Variants in SUPT20H observed in about 807,000 individuals in gnomAD.
SUPT20H encodes the protein transcription factor SPT20 homolog.
SUPT20H carries 82 observed loss-of-function variants against 122.8 expected under a neutral mutation model. The observed-to-expected ratio is 0.67, with a 90% CI of 0.56 to 0.80. The LOEUF is 0.80. SUPT20H is among the 30% of genes least tolerant of loss of function. The pLI, the probability that SUPT20H is intolerant of heterozygous loss-of-function variation, is 0.00. For synonymous variants in SUPT20H, 291 were observed against 313.0 expected, an observed-to-expected ratio of 0.93 and a Z score of 0.74; for missense variants, 831 against 921.6, an observed-to-expected ratio of 0.90 and a Z score of 1.27.
At chr13:37,047,406 T>G in intron 5 of SUPT20H, 129 bp downstream of exon 5, 1 of 1,041,548 alleles carries the variant, frequency 9.6e-7, no homozygotes, top group Non-Finnish European at 1.3e-6. Context: ...GCTACAGAAT[T>G]GACTAGGGTC....
At position 37,019,371 on chromosome 13, in the gene SUPT20H, A is replaced by AT; in HGVS notation, c.1842_1843insA (p.Ser615IlefsTer19). 1 of 1,605,466 alleles carries AT rather than the reference A, an allele frequency of 6.2e-7. No homozygotes were observed. The highest frequency in any genetic ancestry group is 8.5e-7 in the Non-Finnish European group (1 of 1,176,742). On this transcript the variant is annotated frameshift_variant, in exon 22 of 26. Transcript: ENST00000350612. LOFTEE classifies it high-confidence loss of function. The stretch of plus-strand genomic sequence containing the variant: ...AGTAGATTTAAGGGCCTGAGACTTG[A>AT]AGTATTTTTTAAACCAAATGGAACA...
intron 25 of SUPT20H, 32 bp from the exon 26 acceptor site, chr13:37,009,841 GTT>G: frequency 6.3e-7 from 1 of 1,599,208 alleles, no homozygotes; most frequent in Non-Finnish European, 8.5e-7. Context: ...ATCGAGTTAT[GTT>G]AAATGCAGGC....
At chr13:37,011,835 T>C (rs2059681890) in intron 24 of SUPT20H, among the ~76,000 whole-genome samples, 1 of 152,154 alleles carries the variant, frequency 6.6e-6, no homozygotes, top group South Asian at 2.1e-4. Context: ...CAAAAGATTA[T>C]GCAATCTAGA....
chr13:37,012,156 A>C, intron 24 of SUPT20H, 36 bp downstream of exon 24: 4 of 1,485,486 alleles, frequency 2.7e-6, no homozygotes, highest in Non-Finnish European at 3.8e-6. Flanking sequence ...AGATATGTTT[A>C]GTAAATTCAG....
chr13:37,044,999 G>C (rs2066160393), intron 6 of SUPT20H, among the ~76,000 whole-genome samples: 1 of 151,432 alleles, frequency 6.6e-6, no homozygotes, highest in Non-Finnish European at 1.5e-5. Context: ...AATTGGACTT[G>C]AAAGACATAT....
chr13:37,035,643 G>A (rs985297556), intron 9 of SUPT20H, among the ~76,000 whole-genome samples: 2 of 151,422 alleles, frequency 1.3e-5, no homozygotes, highest in Admixed American at 6.6e-5. Flanking sequence ...ATTGCTACTC[G>A]GCCTAAGCCT....
At chr13:37,048,656 A>G in intron 2 of SUPT20H, 57 bp from the exon 3 acceptor site, 1 of 1,459,124 alleles carries the variant, frequency 6.9e-7, no homozygotes. Flanking sequence ...AAAAAATTTA[A>G]TATACATTTA....
chr13:37,057,487 T>C (rs943290379), intron 1 of SUPT20H, among the ~76,000 whole-genome samples: 13 of 151,314 alleles, frequency 8.6e-5, no homozygotes, highest in Non-Finnish European at 1.9e-4. Context: ...GCTTTGATTT[T>C]TGGTGAACCC....
intron 9 of SUPT20H, chr13:37,038,375 G>A (rs1324482143): frequency 6.6e-6 from 1 of 152,162 alleles, no homozygotes; most frequent in Non-Finnish European, 1.5e-5. Flanking sequence ...AAGAAGGGCA[G>A]GATAAATATT....
chr13:37,025,475 C>A (rs1165895193), intron 16 of SUPT20H, 38 bp from the exon 17 acceptor site: 3 of 1,443,392 alleles, frequency 2.1e-6, no homozygotes, highest in South Asian at 1.2e-5. Flanking sequence ...GATTAGAAAA[C>A]CTGTTTTAAA....
In SUPT20H at chr13:37,021,631, C is replaced by A. The variant is rs1204005174; in HGVS notation, c.1662-29G>T. The stretch of plus-strand genomic sequence containing the variant: ...CAGGAGAATAAGACAAAGCATTAAA[C>A]TTCACTGTAAAAGGAAAAAATCAGC... On this transcript the variant is annotated intron_variant, in intron 20 of 25. Coordinates refer to ENST00000350612, the MANE Select transcript of SUPT20H (RefSeq NM_001014286.3). 1.9e-6 allele frequency: 3 copies of A among 1,574,884 alleles called. No homozygotes were observed. The African/African-American group carries it at 4.1e-5, about 21-fold the overall frequency.
intron 23 of SUPT20H, among the ~76,000 whole-genome samples, chr13:37,015,522 C>T (rs372275160): frequency 7.9e-5 from 12 of 151,154 alleles, no homozygotes; most frequent in Non-Finnish European, 1.6e-4. Context: ...CAACCACCAC[C>T]AGAAAATAAC....
intron 20 of SUPT20H, 96 bp from the exon 21 acceptor site, chr13:37,021,698 C>T: frequency 7.7e-7 from 1 of 1,299,882 alleles, no homozygotes; most frequent in African/African-American, 1.5e-5. Context: ...ACTAAGCAAA[C>T]ACAACTAGTT....
intron 5 of SUPT20H, chr13:37,046,782 T>C (rs1295478015): frequency 2.6e-5 from 4 of 152,208 alleles, no homozygotes; most frequent in Non-Finnish European, 2.9e-5. Context: ...TTATTGTATG[T>C]CAAGTATGTA....
chr13:37,050,374 A>G (rs1436017745), intron 2 of SUPT20H, among the ~76,000 whole-genome samples: 2 of 140,800 alleles, frequency 1.4e-5, no homozygotes, highest in Non-Finnish European at 3.1e-5. Context: ...AAAAAAACTT[A>G]TAAGAAGCGG....
In SUPT20H at chr13:37,056,296, C is replaced by T. The variant is rs151007509; in HGVS notation, c.-94+3263G>A. On this transcript the variant is annotated intron_variant, in intron 1 of 25. Transcript: ENST00000350612. ...ACCCAAAGGATTATAAAACATGTTG[C>T]TATAAAGACACATGCACACGTATGT... Among the ~76,000 whole-genome samples the T allele has an allele frequency of 2.6e-4, 40 of 152,266 alleles. 2 individuals are homozygous for T. Among genetic ancestry groups the T allele is most frequent in the East Asian group, 1.3e-3 (7 of 5,186 alleles).
intron 2 of SUPT20H, among the ~76,000 whole-genome samples, chr13:37,051,098 A>G (rs1003557614): frequency 1.3e-5 from 2 of 152,242 alleles, no homozygotes; most frequent in Non-Finnish European, 2.9e-5. Flanking sequence ...ATATGCAGTT[A>G]GCAGGTTACA....
intron 25 of SUPT20H, 24 bp from the exon 26 acceptor site, chr13:37,009,833 C>G: frequency 1.2e-6 from 2 of 1,601,766 alleles, no homozygotes; most frequent in Non-Finnish European, 1.7e-6. Flanking sequence ...GGAAAAAAAT[C>G]GAGTTATGTT....
chr13:37,017,209 G>C, intron 23 of SUPT20H, 36 bp downstream of exon 23: 1 of 1,613,224 alleles, frequency 6.2e-7, no homozygotes, highest in Non-Finnish European at 8.5e-7. Context: ...TTATAAATTC[G>C]ATGTAAAAGC....
Sources: allele counts gnomAD v4.1 joint callset (sites outside exome capture counted in the v4.1 genomes callset), GRCh38; gene constraint gnomAD v4.1.1; transcripts MANE v1.5; gene names NCBI Gene and HGNC (gene_info 2026-07-23, HGNC 2026-07-21).